MYT1L: variants seen among roughly 807,000 people sequenced by gnomAD.
The protein encoded by MYT1L is myelin transcription factor 1-like protein.
In MYT1L, 12 loss-of-function variants were observed where a neutral mutation model predicts 126.7. The observed-to-expected ratio is 0.09, with a 90% CI of 0.06 to 0.15. The LOEUF (loss-of-function observed/expected upper bound fraction) is 0.15. Among genes scored for constraint, MYT1L ranks in the 10% least tolerant of loss-of-function variants. MYT1L has a pLI of 1.00. For missense variants in MYT1L, 979 were observed against 1,585.2 expected, an observed-to-expected ratio of 0.62 and a Z score of 6.49; for synonymous variants, 541 against 604.2, an observed-to-expected ratio of 0.90 and a Z score of 1.53.
At chr2:2,238,785 G>A (rs1209789185) in intron 2 of MYT1L, among the ~76,000 whole-genome samples, 5 of 152,242 alleles carry the variant, frequency 3.3e-5, no homozygotes, top group Admixed American at 6.5e-5. Flanking sequence ...CATGTTCCAC[G>A]ATAAGCAGGA....
chr2:1,973,400 T>C (rs2059947002), intron 8 of MYT1L, among the ~76,000 whole-genome samples: 1 of 152,356 alleles, frequency 6.6e-6, no homozygotes, highest in East Asian at 1.9e-4. Flanking sequence ...TAAATTTCGT[T>C]TCTATAGATT....
chr2:2,202,792 T>C (rs1354285656), intron 2 of MYT1L, among the ~76,000 whole-genome samples: 1 of 152,168 alleles, frequency 6.6e-6, no homozygotes, highest in East Asian at 1.9e-4. Context: ...ATCATCCTGA[T>C]ACCAAAGCCT....
chr2:1,846,184 G>A (rs778171171), intron 19 of MYT1L, among the ~76,000 whole-genome samples: 13 of 152,202 alleles, frequency 8.5e-5, no homozygotes, highest in African/African-American at 1.4e-4. Context: ...GCAGGAATGC[G>A]TGAGAGTGCG....
intron 1 of MYT1L, among the ~76,000 whole-genome samples, chr2:2,309,491 C>T (rs1049203720): frequency 6.7e-6 from 1 of 149,652 alleles, no homozygotes; most frequent in African/African-American, 2.5e-5. Flanking sequence ...TACCTATACT[C>T]AATCTACACT....
At chr2:1,924,439 G>A (rs571090742) in intron 9 of MYT1L, among the ~76,000 whole-genome samples, 2 of 152,290 alleles carry the variant, frequency 1.3e-5, no homozygotes, top group South Asian at 2.1e-4. Context: ...TAAGAAAAAT[G>A]TCTAAAGTTT....
At chr2:1,822,764 C>T (rs1015842954) in intron 21 of MYT1L, among the ~76,000 whole-genome samples, 1 of 149,208 alleles carries the variant, frequency 6.7e-6, no homozygotes, top group Non-Finnish European at 1.5e-5. Flanking sequence ...GCTGTGTCCA[C>T]GGTGAAACCC....
At chr2:2,293,526 A>C (rs1435996944) in intron 1 of MYT1L, among the ~76,000 whole-genome samples, 1 of 152,156 alleles carries the variant, frequency 6.6e-6, no homozygotes, top group African/African-American at 2.4e-5. Context: ...CTTCCCTCGG[A>C]GCTAAGGAGG....
intron 5 of MYT1L, among the ~76,000 whole-genome samples, chr2:1,980,431 T>G (rs1398337393): frequency 6.6e-6 from 1 of 151,852 alleles, no homozygotes; most frequent in African/African-American, 2.4e-5. Context: ...AGAACACGTT[T>G]TACCATCAGG....
chr2:2,201,783 AC>A (rs2093085832), intron 2 of MYT1L, among the ~76,000 whole-genome samples: 1 of 152,202 alleles, frequency 6.6e-6, no homozygotes, highest in Non-Finnish European at 1.5e-5. Flanking sequence ...TAGTTTACTA[AC>A]AATGATATAT....
chr2:1,854,007 G>A (rs1203138106), intron 18 of MYT1L, among the ~76,000 whole-genome samples: 1 of 152,122 alleles, frequency 6.6e-6, no homozygotes, highest in Non-Finnish European at 1.5e-5. Context: ...TACTTTTATT[G>A]CTTGGTTTAT....
chr2:2,157,139 ACAAT>A (rs776424652), intron 3 of MYT1L, among the ~76,000 whole-genome samples: 10 of 152,352 alleles, frequency 6.6e-5, no homozygotes, highest in Non-Finnish European at 8.8e-5. Context: ...ATAAAATAAA[ACAAT>A]CAAGCAGATC....
At chr2:1,796,815 C>A (rs1347341079) in intron 23 of MYT1L, among the ~76,000 whole-genome samples, 1 of 152,142 alleles carries the variant, frequency 6.6e-6, no homozygotes, top group African/African-American at 2.4e-5. Context: ...TTGCTCCAGG[C>A]CCCCACGGTG....
chr2:2,080,455 T>C (rs2075700251), intron 3 of MYT1L, among the ~76,000 whole-genome samples: 1 of 152,206 alleles, frequency 6.6e-6, no homozygotes, highest in Non-Finnish European at 1.5e-5. Flanking sequence ...ATGCATAATA[T>C]GCAAATAATC....
intron 8 of MYT1L, among the ~76,000 whole-genome samples, chr2:1,973,582 A>G (rs1350940541): frequency 6.6e-6 from 1 of 152,254 alleles, no homozygotes; most frequent in Non-Finnish European, 1.5e-5. Context: ...CTGGAATGCC[A>G]GCATCAGTTC....
intron 2 of MYT1L, among the ~76,000 whole-genome samples, chr2:2,180,823 C>T (rs555851200): frequency 1.7e-4 from 24 of 140,294 alleles, no homozygotes; most frequent in African/African-American, 6.2e-4. Flanking sequence ...CCTGTGTGTA[C>T]CTGTGTGTGC....
intron 8 of MYT1L, among the ~76,000 whole-genome samples, chr2:1,956,584 CTAT>C (rs1558534045): frequency 7.0e-6 from 1 of 143,364 alleles, no homozygotes; most frequent in African/African-American, 2.7e-5. Context: ...TTCTATCTAT[CTAT>C]CTATCTATCT....
intron 8 of MYT1L, among the ~76,000 whole-genome samples, chr2:1,975,417 C>T (rs750132121): frequency 6.6e-6 from 1 of 152,208 alleles, no homozygotes; most frequent in Non-Finnish European, 1.5e-5. Context: ...TTAAAAATCT[C>T]TTATGTTGAA....
chr2:1,814,632 G>A (rs2037342189), intron 21 of MYT1L, among the ~76,000 whole-genome samples: 1 of 152,148 alleles, frequency 6.6e-6, no homozygotes, highest in Non-Finnish European at 1.5e-5. Context: ...CACCTCACTG[G>A]GGGTGCGGAG....
chr2:2,309,420 C>G (rs1342667897), intron 1 of MYT1L, among the ~76,000 whole-genome samples: 1 of 151,896 alleles, frequency 6.6e-6, no homozygotes, highest in South Asian at 2.1e-4. Context: ...TATACCTTCT[C>G]TATGCTTCAT....
Sources: gnomAD v4.1 joint callset for allele counts (sites outside exome capture counted in the v4.1 genomes callset) on GRCh38, gnomAD v4.1.1 for gene constraint, MANE v1.5 for transcripts, NCBI Gene and HGNC (gene_info 2026-07-23, HGNC 2026-07-21) for gene names.